The following GPC6 variants were observed in gnomAD, a reference collection of about 807,000 sequenced individuals.
The protein encoded by GPC6 is glypican-6.
Under a neutral mutation model 55.2 loss-of-function variants are expected in GPC6, and 14 were observed. The observed-to-expected ratio is 0.25, with a 90% CI of 0.17 to 0.40. GPC6 has a LOEUF of 0.40. GPC6 is among the 10% of genes least tolerant of loss of function. The probability of loss-of-function intolerance (pLI) is 1.00; values close to 1 mark genes in which losing one functional copy is unlikely to be tolerated. For synonymous variants in GPC6, 278 were observed against 259.6 expected (o/e 1.07, Z -0.68); for missense variants, 641 against 708.5 (o/e 0.90, Z 1.08).
intron 3 of GPC6, among the ~76,000 whole-genome samples, chr13:93,936,067 A>G (rs937436938): frequency 3.9e-5 from 6 of 152,242 alleles, no homozygotes; most frequent in Non-Finnish European, 5.9e-5. Flanking sequence ...CTAATGTAAT[A>G]TACATGATAT....
chr13:93,430,280 T>C (rs981738234), intron 1 of GPC6, among the ~76,000 whole-genome samples: 2 of 152,120 alleles, frequency 1.3e-5, no homozygotes, highest in African/African-American at 4.8e-5. Flanking sequence ...GAATGTGAAA[T>C]GTATTAAGAA....
chr13:94,374,164 C>T (rs1879724197), intron 6 of GPC6, among the ~76,000 whole-genome samples: 1 of 150,830 alleles, frequency 6.6e-6, no homozygotes. Context: ...AACTAACGAG[C>T]AAAATCACCA....
intron 4 of GPC6, among the ~76,000 whole-genome samples, chr13:94,096,572 A>T (rs1354490447): frequency 6.6e-6 from 1 of 152,140 alleles, no homozygotes; most frequent in East Asian, 1.9e-4. Flanking sequence ...GAGAAATGAG[A>T]CTGAGAGGAG....
chr13:94,387,429 T>C (rs1880456247), intron 7 of GPC6, among the ~76,000 whole-genome samples: 1 of 152,212 alleles, frequency 6.6e-6, no homozygotes, highest in Admixed American at 6.5e-5. Flanking sequence ...CCCTGCTTCC[T>C]CTTTCTCCTG....
At chr13:93,333,531 A>ATT (rs35057548) in intron 1 of GPC6, among the ~76,000 whole-genome samples, 21,925 of 130,456 alleles carry the variant, frequency 0.17, 2,179 homozygotes, top group East Asian at 0.31. Context: ...ATGCTATTGA[A>ATT]TTTTTTTTTT....
intron 1 of GPC6, among the ~76,000 whole-genome samples, chr13:93,375,029 C>T (rs1874827517): frequency 1.3e-5 from 2 of 152,266 alleles, no homozygotes; most frequent in Middle Eastern, 3.4e-3. Context: ...GTCAGTTCTT[C>T]CATTCGTCTG....
At chr13:94,162,299 G>A (rs563136037) in intron 4 of GPC6, among the ~76,000 whole-genome samples, 1 of 152,292 alleles carries the variant, frequency 6.6e-6, no homozygotes, top group Non-Finnish European at 1.5e-5. Context: ...TGGCCACCTT[G>A]GGGTTGCAAG....
chr13:93,822,623 T>C (rs1887091900), intron 2 of GPC6, among the ~76,000 whole-genome samples: 2 of 138,590 alleles, frequency 1.4e-5, no homozygotes, highest in Admixed American at 1.5e-4. Flanking sequence ...CAAGCCCCAG[T>C]GTGTGATGTT....
At chr13:93,609,326 T>G (rs1878367633) in intron 2 of GPC6, among the ~76,000 whole-genome samples, 1 of 152,210 alleles carries the variant, frequency 6.6e-6, no homozygotes, top group Admixed American at 6.5e-5. Flanking sequence ...GCAATTCTCC[T>G]GCCTCAGCCT....
At chr13:93,694,048 A>G (rs1281501880) in intron 2 of GPC6, among the ~76,000 whole-genome samples, 1 of 152,172 alleles carries the variant, frequency 6.6e-6, no homozygotes, top group African/African-American at 2.4e-5. Flanking sequence ...ATGTTTCAGC[A>G]TGCCTGATAT....
chr13:93,595,053 T>C (rs1472002735), intron 2 of GPC6, among the ~76,000 whole-genome samples: 1 of 152,170 alleles, frequency 6.6e-6, no homozygotes, highest in Non-Finnish European at 1.5e-5. Context: ...ATTAATATAT[T>C]GCATAGTTTT....
intron 4 of GPC6, among the ~76,000 whole-genome samples, chr13:94,123,514 G>T (rs1040189674): frequency 6.6e-6 from 1 of 151,804 alleles, no homozygotes; most frequent in African/African-American, 2.4e-5. Flanking sequence ...GTTGCATAAG[G>T]CATCTTATAT....
At chr13:94,162,115 G>A (rs912630935) in intron 4 of GPC6, among the ~76,000 whole-genome samples, 22 of 152,126 alleles carry the variant, frequency 1.4e-4, no homozygotes, top group African/African-American at 5.1e-4. Flanking sequence ...TTTGGGTGGG[G>A]ACACAGCCAA....
At chr13:93,217,992 AATGAAC>A in the GPC6 span, among the ~76,000 whole-genome samples, 1 of 152,180 alleles carries the variant, frequency 6.6e-6, no homozygotes, top group Non-Finnish European at 1.5e-5. Flanking sequence ...TGTGATTGCA[AATGAAC>A]ATCAGGAGAA....
At chr13:93,641,062 C>G (rs111250776) in intron 2 of GPC6, among the ~76,000 whole-genome samples, 2,206 of 152,036 alleles carry the variant, frequency 0.015, 26 homozygotes, top group Middle Eastern at 0.024. Context: ...GAGGTAACTG[C>G]TGTTAACATT....
intron 1 of GPC6, among the ~76,000 whole-genome samples, chr13:93,320,916 T>C (rs1227462994): frequency 6.6e-6 from 1 of 150,404 alleles, no homozygotes; most frequent in East Asian, 2.0e-4. Context: ...ATTTCTATTG[T>C]AACAATAGCG....
intron 2 of GPC6, among the ~76,000 whole-genome samples, chr13:93,752,484 C>G (rs975402727): frequency 2.0e-5 from 3 of 151,410 alleles, no homozygotes; most frequent in African/African-American, 7.3e-5. Flanking sequence ...TAAGGTAGCA[C>G]TTAGGAATAA....
At chr13:93,689,706 A>C (rs1175575192) in intron 2 of GPC6, among the ~76,000 whole-genome samples, 1 of 152,146 alleles carries the variant, frequency 6.6e-6, no homozygotes, top group Non-Finnish European at 1.5e-5. Flanking sequence ...CTCCATATTT[A>C]AATATTTACT....
At chr13:94,281,420 C>A (rs766252853) in intron 4 of GPC6, among the ~76,000 whole-genome samples, 3 of 152,064 alleles carry the variant, frequency 2.0e-5, no homozygotes, top group Non-Finnish European at 4.4e-5. Context: ...CCCTGAATAT[C>A]ATATCATTTT....
Sources: allele counts gnomAD v4.1 joint callset (sites outside exome capture counted in the v4.1 genomes callset), GRCh38; gene constraint gnomAD v4.1.1; transcripts MANE v1.5; gene names NCBI Gene and HGNC (gene_info 2026-07-23, HGNC 2026-07-21).